GABRG1: variants seen among roughly 807,000 people sequenced by gnomAD.
GABRG1 encodes gamma-aminobutyric acid type A receptor subunit gamma1.
A neutral mutation model predicts 49.8 loss-of-function variants in GABRG1; 49 were observed. The observed-to-expected ratio is 0.98, with a 90% confidence interval of 0.78 to 1.25. The LOEUF is 1.25. GABRG1 is among the 50% of genes most tolerant of loss of function. GABRG1 has a pLI of 0.00. For synonymous variants in GABRG1, 232 were observed against 185.1 expected, an observed-to-expected ratio of 1.25 and a Z score of -2.06; for missense variants, 552 against 552.3, an observed-to-expected ratio of 1.00 and a Z score of 0.01.
chr4:46,118,706 A>C (rs1381894592), intron 1 of GABRG1, among the ~76,000 whole-genome samples: 1 of 151,192 alleles, frequency 6.6e-6, no homozygotes. Flanking sequence ...CTCAGTGAGT[A>C]TTTACTGAAT....
chr4:46,057,427 C>T (rs1222404573), intron 7 of GABRG1, among the ~76,000 whole-genome samples: 4 of 152,062 alleles, frequency 2.6e-5, no homozygotes, highest in African/African-American at 9.7e-5. Flanking sequence ...CAGTGTGATT[C>T]ATGTGTCTTT....
chr4:46,038,513 C>T lies in GABRG1; in HGVS notation c.*2475G>A, dbSNP rs1339753750. On this transcript the variant is annotated 3_prime_UTR_variant, in exon 9 of 9. Transcript: ENST00000295452. ...CAGGAAAATCAAGTTCCAATAAATTCAATAAATTATTATATAACTCCCCAG... is the reference window on the plus strand; with the variant it reads ...CAGGAAAATCAAGTTCCAATAAATTTAATAAATTATTATATAACTCCCCAG... 1 of 151,082 alleles carries T rather than the reference C, an allele frequency of 6.6e-6. No individual in the cohort carries two copies. Among genetic ancestry groups the T allele is most frequent in the African/African-American group, 2.4e-5 (1 of 41,208 alleles). The allele number at this position is 151,082 out of a possible 1,614,324, so 9.4% of individuals were successfully genotyped here.
At chr4:46,042,408 A>G (rs1026458766) in intron 8 of GABRG1, among the ~76,000 whole-genome samples, 11 of 151,992 alleles carry the variant, frequency 7.2e-5, no homozygotes, top group African/African-American at 2.7e-4. Context: ...TTCGTTTTTC[A>G]GAATTCAACA....
intron 1 of GABRG1, among the ~76,000 whole-genome samples, chr4:46,102,765 T>C (rs1388898142): frequency 6.6e-6 from 1 of 151,686 alleles, no homozygotes; most frequent in Non-Finnish European, 1.5e-5. Flanking sequence ...GAAAAAAACC[T>C]TTAATAACTA....
chr4:46,061,662 A>G (rs1560354185), intron 5 of GABRG1, among the ~76,000 whole-genome samples: 2 of 151,828 alleles, frequency 1.3e-5, no homozygotes. Flanking sequence ...CCTATAAAGA[A>G]TATACCAGGT....
intron 7 of GABRG1, among the ~76,000 whole-genome samples, chr4:46,053,690 TC>T (rs2109399520): frequency 6.6e-6 from 1 of 152,124 alleles, no homozygotes; most frequent in East Asian, 1.9e-4. Context: ...ATGTGTGGTT[TC>T]ATTTTGTTAT....
intron 8 of GABRG1, 47 bp downstream of exon 8, chr4:46,051,377 T>C: frequency 7.4e-7 from 1 of 1,357,398 alleles, no homozygotes; most frequent in Admixed American, 2.2e-5. Flanking sequence ...AGAGTATCTC[T>C]AAGTAAGTTG....
chr4:46,100,154 A>G (rs1282122480), intron 1 of GABRG1, among the ~76,000 whole-genome samples: 4 of 151,782 alleles, frequency 2.6e-5, no homozygotes, highest in African/African-American at 7.3e-5. Context: ...ATTTTGTTAT[A>G]TGATTTCCTT....
intron 8 of GABRG1, among the ~76,000 whole-genome samples, chr4:46,047,928 A>T (rs1718066209): frequency 6.6e-6 from 1 of 152,030 alleles, no homozygotes; most frequent in Non-Finnish European, 1.5e-5. Context: ...TGTCTCGTCC[A>T]TAGCTGGATA....
At chr4:46,074,524 T>TA (rs1719253048) in intron 3 of GABRG1, among the ~76,000 whole-genome samples, 1 of 152,124 alleles carries the variant, frequency 6.6e-6, no homozygotes, top group African/African-American at 2.4e-5. Context: ...TAGGTACCCC[T>TA]ACCAGGAAAT....
At chr4:46,065,011 C>T (rs953395502) in intron 4 of GABRG1, among the ~76,000 whole-genome samples, 1 of 152,104 alleles carries the variant, frequency 6.6e-6, no homozygotes, top group East Asian at 1.9e-4. Flanking sequence ...TTTACTACAC[C>T]ATTGAAAATT....
intron 2 of GABRG1, among the ~76,000 whole-genome samples, chr4:46,092,462 TAGA>T (rs1286765375): frequency 3.3e-5 from 5 of 151,832 alleles, no homozygotes; most frequent in African/African-American, 1.2e-4. Context: ...AATGCAATGA[TAGA>T]AGGATAAAAT....
At position 46,053,091 on chromosome 4, in the gene GABRG1, C is replaced by T. The variant is rs78605230; in HGVS notation, c.917-1453G>A. 4.6e-3 allele frequency among the ~76,000 whole-genome samples: 697 copies of T among 151,702 alleles called. 1 individual carries two copies. The highest frequency in any genetic ancestry group is 8.0e-3 in the Non-Finnish European group (543 of 67,808). ...AAACAAACACAGTAATATCTTGCTT[C>T]GTAATTGTAGTAAATATACACAAAA... is the stretch of plus-strand genomic sequence containing the variant. On this transcript the variant is annotated intron_variant, in intron 7 of 8. Coordinates refer to ENST00000295452, the MANE Select transcript of GABRG1 (RefSeq NM_173536.4).
At chr4:46,085,052 G>T (rs534974272) in intron 2 of GABRG1, among the ~76,000 whole-genome samples, 1 of 151,328 alleles carries the variant, frequency 6.6e-6, no homozygotes, top group East Asian at 1.9e-4. Context: ...AGTTATAACT[G>T]GTATAAACAA....
rs191678291 is a variant in GABRG1, at chr4:46,103,604, T to C, written c.105-6255A>G. ...ATTAATATAAAATCCAGATAATAGG[T>C]AGATATACTCAATCAAGAAATCCAA... On this transcript the variant is annotated intron_variant, in intron 1 of 8. Coordinates refer to ENST00000295452, the MANE Select transcript of GABRG1 (RefSeq NM_173536.4). 2.7e-3 allele frequency among the ~76,000 whole-genome samples: 414 copies of C among 151,568 alleles called. 3 individuals are homozygous for C. Among genetic ancestry groups the C allele is most frequent in the African/African-American group, 9.2e-3 (380 of 41,482 alleles).
intron 8 of GABRG1, among the ~76,000 whole-genome samples, chr4:46,041,543 T>C (rs1469767057): frequency 2.0e-5 from 3 of 152,026 alleles, no homozygotes; most frequent in Non-Finnish European, 2.9e-5. Flanking sequence ...GATCTAATTC[T>C]AAAATAAAAT....
intron 2 of GABRG1, among the ~76,000 whole-genome samples, chr4:46,085,877 T>TAAG (rs1719735609): frequency 6.6e-6 from 1 of 151,586 alleles, no homozygotes; most frequent in Admixed American, 6.6e-5. Context: ...GTTCAAAAAC[T>TAAG]AAGACATTAT....
At chr4:46,092,127 T>A (rs1233117890) in intron 2 of GABRG1, among the ~76,000 whole-genome samples, 1 of 151,964 alleles carries the variant, frequency 6.6e-6, no homozygotes, top group Non-Finnish European at 1.5e-5. Flanking sequence ...AATACTCCAT[T>A]TCGAGAGACT....
intron 1 of GABRG1, among the ~76,000 whole-genome samples, chr4:46,098,549 A>G (rs1489357406): frequency 1.3e-5 from 2 of 151,580 alleles, no homozygotes; most frequent in East Asian, 3.9e-4. Flanking sequence ...TGCAGCCCCA[A>G]CTCCTTTTAT....
Sources: allele counts gnomAD v4.1 joint callset (sites outside exome capture counted in the v4.1 genomes callset), GRCh38; gene constraint gnomAD v4.1.1; transcripts MANE v1.5; gene names NCBI Gene and HGNC (gene_info 2026-07-23, HGNC 2026-07-21).